The following CDH23 variants were observed in gnomAD, a reference collection of about 807,000 sequenced individuals.
CDH23 encodes cadherin related 23.
A neutral mutation model predicts 317.1 loss-of-function variants in CDH23; 189 were observed. The observed-to-expected ratio is 0.60, with a 90% CI of 0.53 to 0.67. The LOEUF (loss-of-function observed/expected upper bound fraction) is 0.67, where lower values mean the gene tolerates loss of function less well. Ranked by LOEUF, CDH23 falls within the 30% of genes least tolerant of loss-of-function variation. The pLI, the probability that CDH23 is intolerant of heterozygous loss-of-function variation, is 0.00. For missense variants in CDH23, 4,401 were observed against 4,592.4 expected (o/e 0.96, Z 1.20); for synonymous variants, 1,839 against 1,876.8 (o/e 0.98, Z 0.52).
intron 28 of CDH23, among the ~76,000 whole-genome samples, chr10:71,723,414 C>T (rs865933786): frequency 4.6e-5 from 7 of 152,156 alleles, no homozygotes; most frequent in African/African-American, 1.4e-4. Flanking sequence ...CGTCCCCCCC[C>T]ACACACAAGC....
At chr10:71,401,902 G>C (rs746146893) in intron 1 of CDH23, among the ~76,000 whole-genome samples, 4 of 152,218 alleles carry the variant, frequency 2.6e-5, no homozygotes, top group Non-Finnish European at 4.4e-5. Flanking sequence ...TATAGGCCAT[G>C]TTTATTTGGA....
chr10:71,447,774 C>G (rs900578735), intron 3 of CDH23, among the ~76,000 whole-genome samples: 3 of 152,142 alleles, frequency 2.0e-5, no homozygotes, highest in African/African-American at 7.2e-5. Context: ...GTTTGCTCCC[C>G]TTTGGATTGG....
intron 67 of CDH23, 64 bp from the exon 68 acceptor site, chr10:71,812,704 G>GC: frequency 2.5e-6 from 4 of 1,611,696 alleles, no homozygotes; most frequent in Non-Finnish European, 3.4e-6. Flanking sequence ...TTAAGGGGTG[G>GC]CCCCCTCCCT....
intron 6 of CDH23, among the ~76,000 whole-genome samples, chr10:71,515,456 G>A (rs1352317413): frequency 6.7e-6 from 1 of 149,694 alleles, no homozygotes; most frequent in Non-Finnish European, 1.5e-5. Flanking sequence ...ACTAGTACTG[G>A]AGTTCAGCCT....
intron 16 of CDH23, among the ~76,000 whole-genome samples, chr10:71,677,955 CT>C (rs1468833154): frequency 6.6e-6 from 1 of 152,000 alleles, no homozygotes; most frequent in Non-Finnish European, 1.5e-5. Flanking sequence ...GACCAACCCC[CT>C]AGGGAACCCA....
rs770302568 is a variant in CDH23 at position 71,785,726 on chromosome 10, C to T, written c.5808C>T (p.Arg1936=). Residue 1936 remains arginine (R), a synonymous_variant, in exon 44 of 70, where the codon CGC becomes CGT. Coordinates refer to ENST00000224721, the MANE Select transcript of CDH23 (RefSeq NM_022124.6). ...ISVKDNPENP[R]IARRDYDLLL... ...TGAAGGACAACCCGGAGAATCCACG[C>T]ATAGCCAGGAGGGTGAGACTGGAGG... 4.1e-5 allele frequency: 66 copies of T among 1,601,576 alleles called. 1 individual carries two copies. The highest frequency in any genetic ancestry group is 5.5e-5 in the Non-Finnish European group (65 of 1,172,932).
intron 1 of CDH23, among the ~76,000 whole-genome samples, chr10:71,414,211 A>C (rs1294012626): frequency 6.6e-6 from 1 of 152,110 alleles, no homozygotes; most frequent in East Asian, 1.9e-4. Context: ...ACAACGTCCA[A>C]TACTATGTTA....
At position 71,741,752 on chromosome 10, in the gene CDH23, T is replaced by C. The variant is rs1399522142; in HGVS notation, c.4676T>C (p.Ile1559Thr). The change falls in exon 38 of 70, where the codon ATC (isoleucine) becomes ACC (threonine). Residue 1559 changes from isoleucine to threonine, a missense_variant. By Grantham distance (89) the Ile-to-Thr change is moderately conservative (BLOSUM62 -1). This residue lies in a region of CDH23 where 3,068 missense variants were observed against 3,203.3 expected (regional missense o/e 0.96). Coordinates refer to ENST00000224721, the MANE Select transcript of CDH23 (RefSeq NM_022124.6). ...QVRATDRDIG[I>T]NSVLSYYITE... ...AGAGCCACTGACCGTGACATCGGGATCAACAGTGTTCTGTCCTACTACATC... is the reference window on the plus strand; with the variant it reads ...AGAGCCACTGACCGTGACATCGGGACCAACAGTGTTCTGTCCTACTACATC... The C allele has an allele frequency of 1.2e-6, 2 of 1,612,628 alleles. No individual in the cohort carries two copies. The highest frequency in any genetic ancestry group is 1.7e-5 in the Admixed American group (1 of 59,798).
intron 9 of CDH23, among the ~76,000 whole-genome samples, chr10:71,578,300 G>A (rs1007082066): frequency 6.6e-6 from 1 of 152,270 alleles, no homozygotes; most frequent in East Asian, 1.9e-4. Context: ...GCACTTTGGG[G>A]CTCTGGGCCT....
At chr10:71,671,185 C>T (rs1864131898) in intron 14 of CDH23, among the ~76,000 whole-genome samples, 1 of 152,048 alleles carries the variant, frequency 6.6e-6, no homozygotes, top group Non-Finnish European at 1.5e-5. Context: ...GTCTTGAACT[C>T]CTGACCTCAA....
chr10:71,567,079 G>A, intron 7 of CDH23, 143 bp downstream of exon 7: 1 of 865,964 alleles, frequency 1.2e-6, no homozygotes, highest in East Asian at 2.7e-5. Flanking sequence ...AGTCATGATA[G>A]AAATGAGGCT....
chr10:71,443,768 G>A (rs1035703758), intron 2 of CDH23, among the ~76,000 whole-genome samples: 2 of 152,168 alleles, frequency 1.3e-5, no homozygotes, highest in Admixed American at 6.5e-5. Flanking sequence ...TTCCCGCTTC[G>A]CTGGAGGCCC....
chr10:71,428,064 C>T (rs991858741), intron 1 of CDH23, among the ~76,000 whole-genome samples: 4 of 151,780 alleles, frequency 2.6e-5, no homozygotes, highest in African/African-American at 9.7e-5. Flanking sequence ...GTAGCTGTGT[C>T]ATATTATAGT....
At chr10:71,773,344 T>C in intron 38 of CDH23, 1 of 1,599,342 alleles carries the variant, frequency 6.3e-7, no homozygotes, top group East Asian at 2.3e-5. Flanking sequence ...GCGCCCCGCC[T>C]CCCCCGACCT....
intron 28 of CDH23, among the ~76,000 whole-genome samples, chr10:71,722,277 CA>C (rs911333270): frequency 2.0e-5 from 3 of 151,896 alleles, no homozygotes; most frequent in African/African-American, 7.2e-5. Context: ...CCTGTCTCTA[CA>C]AAAAAAATAA....
chr10:71,662,601 G>T (rs949388857), intron 14 of CDH23, among the ~76,000 whole-genome samples: 1 of 152,144 alleles, frequency 6.6e-6, no homozygotes, highest in African/African-American at 2.4e-5. Flanking sequence ...CATCTCCTTG[G>T]CTCATAATGT....
Position 71,800,649 on chromosome 10 carries a change from T to G in CDH23, c.7376T>G (p.Val2459Gly). The G allele has an allele frequency of 6.2e-6, 10 of 1,614,000 alleles. No homozygotes were observed. Among genetic ancestry groups the G allele is most frequent in the African/African-American group, 1.3e-5 (1 of 75,042 alleles). Residue 2459 changes from valine (V) to glycine (G), a missense_variant, in exon 53 of 70, where the codon GTG (valine) becomes GGG (glycine). Physicochemically the swap from Val to Gly is moderately radical, Grantham distance 109. Coordinates refer to ENST00000224721, the MANE Select transcript of CDH23 (RefSeq NM_022124.6). Reference protein sequence around the residue: ...AINPTTGDIYVLSSLDREKKD... With the variant: ...AINPTTGDIYGLSSLDREKKD... ...TCCCCCTACTAGGGTGACATCTATG[T>G]GCTGTCTTCTCTGGACCGGGAGAAG...
intron 18 of CDH23, among the ~76,000 whole-genome samples, chr10:71,685,209 C>T (rs540775698): frequency 6.6e-6 from 1 of 152,306 alleles, no homozygotes; most frequent in African/African-American, 2.4e-5. Flanking sequence ...GGGTCTGAGG[C>T]AGGGCTGGGA....
intron 9 of CDH23, among the ~76,000 whole-genome samples, chr10:71,579,027 C>T (rs193208943): frequency 5.0e-4 from 76 of 152,250 alleles, no homozygotes; most frequent in African/African-American, 1.6e-3. Context: ...GCCTGTACCT[C>T]CATAAAATTG....
Sources: gnomAD v4.1 joint callset for allele counts (sites outside exome capture counted in the v4.1 genomes callset) on GRCh38, gnomAD v4.1.1 for gene constraint, gnomAD v4.1.1 regional missense constraint, MANE v1.5 for transcripts, NCBI Gene and HGNC (gene_info 2026-07-23, HGNC 2026-07-21) for gene names.